CADPS: variants seen among roughly 807,000 people sequenced by gnomAD.
CADPS encodes the protein calcium dependent secretion activator.
Under a neutral mutation model 167.3 loss-of-function variants are expected in CADPS, and 57 were observed. The observed-to-expected ratio is 0.34, with a 90% CI of 0.28 to 0.42. The LOEUF is 0.42. CADPS is among the 20% of genes least tolerant of loss of function. The probability of loss-of-function intolerance (pLI) is 1.00; values close to 1 mark genes in which losing one functional copy is unlikely to be tolerated. For missense variants in CADPS, 1,414 were observed against 1,738.1 expected, an observed-to-expected ratio of 0.81 and a Z score of 3.32; for synonymous variants, 676 against 635.3, an observed-to-expected ratio of 1.06 and a Z score of -0.96.
chr3:62,751,487 C>T (rs535541129), intron 3 of CADPS, among the ~76,000 whole-genome samples: 2 of 151,960 alleles, frequency 1.3e-5, no homozygotes, highest in African/African-American at 4.8e-5. Context: ...CGTTCTGTTG[C>T]CCAGGGTGGA....
intron 6 of CADPS, among the ~76,000 whole-genome samples, chr3:62,631,372 A>G (rs1355440783): frequency 6.6e-6 from 1 of 152,222 alleles, no homozygotes; most frequent in Non-Finnish European, 1.5e-5. Context: ...GAAGAAAGTA[A>G]CAAAACACTC....
intron 3 of CADPS, among the ~76,000 whole-genome samples, chr3:62,712,218 G>C (rs2151819512): frequency 1.3e-5 from 2 of 152,214 alleles, no homozygotes; most frequent in Non-Finnish European, 2.9e-5. Context: ...AAGACTACTA[G>C]AAGTGAAATT....
Position 62,491,473 on chromosome 3 carries a change from C to A in CADPS, c.2892G>T (p.Leu964Phe). Reference sequence around the variant, plus strand: ...GGTGTTTGTGAAATTTTCCATTGCACAAATTATCTAGAACAGATAAGCAAA... The same window carrying A: ...GGTGTTTGTGAAATTTTCCATTGCAAAAATTATCTAGAACAGATAAGCAAA... ...LNDFLRTDYN[L>F]CNGKFHKHLQ... Residue 964 changes from leucine (L) to phenylalanine (F), a missense_variant, in exon 21 of 30, where the codon TTG becomes TTT. Physicochemically the swap from Leu to Phe is conservative, Grantham distance 22. This residue lies in a region of CADPS where 529 missense variants were observed against 629.6 expected (regional missense o/e 0.84). Coordinates refer to ENST00000383710, the MANE Select transcript of CADPS (RefSeq NM_003716.4). 1.2e-6 allele frequency: 2 copies of A among 1,613,548 alleles called. No homozygotes were observed. The highest frequency in any genetic ancestry group is 1.7e-6 in the Non-Finnish European group (2 of 1,179,800).
chr3:62,701,856 T>C (rs1260131679), intron 3 of CADPS, among the ~76,000 whole-genome samples: 1 of 152,022 alleles, frequency 6.6e-6, no homozygotes, highest in African/African-American at 2.4e-5. Context: ...CCCAACTCAC[T>C]ATGTCAAAAG....
At chr3:62,418,260 C>T (rs1040632306) in intron 28 of CADPS, among the ~76,000 whole-genome samples, 2 of 150,056 alleles carry the variant, frequency 1.3e-5, no homozygotes, top group African/African-American at 4.9e-5. Flanking sequence ...TTTCCTGTTT[C>T]TGAGCCTTCA....
intron 16 of CADPS, chr3:62,513,825 G>A (rs1194892615): frequency 3.1e-6 from 2 of 652,120 alleles, no homozygotes; most frequent in Admixed American, 5.2e-5. Context: ...AGTATTTTGG[G>A]ATAAACACAG....
intron 28 of CADPS, among the ~76,000 whole-genome samples, chr3:62,417,361 T>C (rs969796674): frequency 4.3e-4 from 59 of 136,542 alleles, no homozygotes; most frequent in African/African-American, 1.5e-3. Context: ...CTCGGCTCAC[T>C]GCAGCCTCTG....
At chr3:62,873,939 T>C (rs2083139379) in intron 1 of CADPS, among the ~76,000 whole-genome samples, 1 of 152,156 alleles carries the variant, frequency 6.6e-6, no homozygotes, top group East Asian at 1.9e-4. Flanking sequence ...AAGGAAGCAG[T>C]GCCCGAGGAC....
intron 6 of CADPS, among the ~76,000 whole-genome samples, chr3:62,603,895 C>T (rs1038292541): frequency 6.6e-6 from 1 of 151,806 alleles, no homozygotes; most frequent in African/African-American, 2.4e-5. Context: ...GGCGTGATCT[C>T]GGCTCACTGC....
intron 29 of CADPS, among the ~76,000 whole-genome samples, chr3:62,401,225 T>G (rs1453982189): frequency 6.6e-6 from 1 of 152,204 alleles, no homozygotes; most frequent in Non-Finnish European, 1.5e-5. Flanking sequence ...TTAACTTAAA[T>G]TTTTGTACTT....
At chr3:62,762,656 C>CAAAAA (rs35231096) in intron 2 of CADPS, among the ~76,000 whole-genome samples, 14 of 53,124 alleles carry the variant, frequency 2.6e-4, no homozygotes, top group Middle Eastern at 0.012. Context: ...AACCCGGACT[C>CAAAAA]AAAAAAAAAA....
chr3:62,455,478 CA>C lies in CADPS; in HGVS notation c.3637-9682del, dbSNP rs1300970067. On this transcript the variant is annotated intron_variant, in intron 26 of 29. Transcript: ENST00000383710. This position sits in a 1 kb window ranked among gnomAD's most constrained non-coding sequence, Gnocchi z 4.4. Reference sequence around the variant, plus strand: ...GACATTATGGAGCTGGTATTTGAAGCATGGTTTCCTTGGACTCCAGGGTTTG... The same window carrying C: ...GACATTATGGAGCTGGTATTTGAAGCTGGTTTCCTTGGACTCCAGGGTTTG... Among the ~76,000 whole-genome samples the C allele has an allele frequency of 6.6e-6, 1 of 152,164 alleles. No individual in the cohort carries two copies. The highest frequency in any genetic ancestry group is 2.4e-5 in the African/African-American group (1 of 41,448).
chr3:62,542,671 G>C (rs1419536097), intron 11 of CADPS, among the ~76,000 whole-genome samples: 2 of 152,086 alleles, frequency 1.3e-5, no homozygotes, highest in Non-Finnish European at 2.9e-5. Context: ...GGCCAAAAGA[G>C]GATGGCTTCT....
intron 23 of CADPS, among the ~76,000 whole-genome samples, chr3:62,476,066 T>C (rs1272442340): frequency 1.3e-5 from 2 of 152,176 alleles, no homozygotes; most frequent in Non-Finnish European, 2.9e-5. Flanking sequence ...AAAGACAGCA[T>C]GCCTTGTTTT....
chr3:62,448,622 G>T (rs12639215), intron 26 of CADPS, among the ~76,000 whole-genome samples: 6 of 93,572 alleles, frequency 6.4e-5, no homozygotes, highest in East Asian at 6.4e-4. Context: ...GAACTTTTTT[G>T]GGGGGGGGTG....
At chr3:62,525,858 C>T (rs1045474976) in intron 13 of CADPS, among the ~76,000 whole-genome samples, 9 of 152,008 alleles carry the variant, frequency 5.9e-5, no homozygotes, top group Non-Finnish European at 8.8e-5. Context: ...TGGATTGAAA[C>T]GGCCACCCAA....
chr3:62,608,022 G>T (rs903337602), intron 6 of CADPS, among the ~76,000 whole-genome samples: 1 of 152,162 alleles, frequency 6.6e-6, no homozygotes, highest in African/African-American at 2.4e-5. Context: ...CCAGAGAGTT[G>T]TTCTTGAAAA....
chr3:62,638,360 C>T (rs1196041016), intron 6 of CADPS, among the ~76,000 whole-genome samples: 2 of 152,038 alleles, frequency 1.3e-5, no homozygotes, highest in Non-Finnish European at 2.9e-5. Flanking sequence ...CCTATGTTCT[C>T]CCTGATCACT....
At chr3:62,593,398 AGC>A (rs940262807) in intron 6 of CADPS, among the ~76,000 whole-genome samples, 8 of 152,228 alleles carry the variant, frequency 5.3e-5, no homozygotes, top group African/African-American at 1.9e-4. Context: ...ATCTGGGTAG[AGC>A]ACCAGGTGCG....
Sources: allele counts gnomAD v4.1 joint callset (sites outside exome capture counted in the v4.1 genomes callset), GRCh38; gene constraint gnomAD v4.1.1; regional missense constraint gnomAD v4.1.1; non-coding constraint Gnocchi (gnomAD v3.1); transcripts MANE v1.5; gene names NCBI Gene and HGNC (gene_info 2026-07-23, HGNC 2026-07-21).